Variants in VPS29 observed in about 807,000 individuals in gnomAD.
VPS29 encodes vacuolar protein sorting-associated protein 29.
In VPS29, 2 loss-of-function variants were observed where a neutral mutation model predicts 20.0. The observed-to-expected ratio is 0.10, with a 90% CI of 0.04 to 0.31. VPS29 has a LOEUF of 0.31. Ranked by LOEUF, VPS29 falls within the 10% of genes least tolerant of loss-of-function variation. VPS29 has a pLI of 1.00. For synonymous variants in VPS29, 81 were observed against 79.3 expected, an observed-to-expected ratio of 1.02 and a Z score of -0.12; for missense variants, 120 against 215.3, an observed-to-expected ratio of 0.56 and a Z score of 2.77.
rs377520340 is a variant in VPS29, at chr12:110,493,358, A to C, written c.196-127T>G. ...GTAGTACCCCACAACACACACATTTATACATTTTTTTTTTTTTTTGAGACA... is the reference window on the plus strand; with the variant it reads ...GTAGTACCCCACAACACACACATTTCTACATTTTTTTTTTTTTTTGAGACA... On this transcript the variant is annotated intron_variant, in intron 2 of 3. Transcript: ENST00000549578. The C allele has an allele frequency of 3.4e-5, 21 of 618,070 alleles. No homozygotes were observed. In the African/African-American group the frequency reaches 3.9e-4, roughly 11 times the overall value. The allele number at this position is 618,070 out of a possible 1,614,324, so 38.3% of individuals were successfully genotyped here. A position where few individuals can be genotyped will look rare whatever the true frequency, so the allele number is the denominator to read the frequency against.
At chr12:110,495,017 GC>G (rs1288209631) in intron 2 of VPS29, among the ~76,000 whole-genome samples, 1 of 152,192 alleles carries the variant, frequency 6.6e-6, no homozygotes, top group Non-Finnish European at 1.5e-5. Flanking sequence ...ACCGTACCCG[GC>G]CCAGAACTCT....
At chr12:110,494,050 T>A (rs2062859940) in intron 2 of VPS29, among the ~76,000 whole-genome samples, 1 of 152,118 alleles carries the variant, frequency 6.6e-6, no homozygotes, top group Non-Finnish European at 1.5e-5. Flanking sequence ...TTATGGATGA[T>A]GAAACAGGCA....
At chr12:110,492,599 T>TTTTATTTTA (rs1555204594) in intron 3 of VPS29, among the ~76,000 whole-genome samples, 7 of 132,344 alleles carry the variant, frequency 5.3e-5, no homozygotes, top group African/African-American at 1.2e-4. Context: ...TTTATTTTTA[T>TTTTATTTTA]TTTATTTATT....
intron 1 of VPS29, chr12:110,499,353 C>A: frequency 1.3e-6 from 1 of 794,994 alleles, no homozygotes; most frequent in Non-Finnish European, 1.9e-6. Flanking sequence ...ATGATAGAGT[C>A]CTTTAAGAAA....
intron 1 of VPS29, chr12:110,501,847 G>A (rs1328495124): frequency 2.2e-6 from 3 of 1,336,230 alleles, no homozygotes; most frequent in South Asian, 1.3e-5. Flanking sequence ...CGGGATACGA[G>A]ACCTAGGCCA....
At chr12:110,501,762 C>T in intron 1 of VPS29, 1 of 1,081,902 alleles carries the variant, frequency 9.2e-7, no homozygotes, top group Non-Finnish European at 1.4e-6. Context: ...CTGGCTCGGG[C>T]GTGCGTGTCT....
rs1357728893 is a variant in VPS29, at chr12:110,491,942, T to A, written c.*63A>T. The stretch of plus-strand genomic sequence containing the variant: ...ATACAATTTTGTGGCTCTTAAATGT[T>A]TAATTACTTGATTTCAACAGGACAA... On this transcript the variant is annotated 3_prime_UTR_variant, in exon 4 of 4. Transcript: ENST00000549578. 5 of 1,207,576 alleles carry A rather than the reference T, an allele frequency of 4.1e-6. No homozygotes were observed. Among genetic ancestry groups the A allele is most frequent in the Non-Finnish European group, 6.1e-6 (5 of 825,324 alleles). 74.8% of individuals were successfully genotyped at this position (1,207,576 alleles called of 1,614,324 possible). A position where few individuals can be genotyped will look rare whatever the true frequency, so the allele number is the denominator to read the frequency against.
intron 1 of VPS29, among the ~76,000 whole-genome samples, chr12:110,501,223 G>A (rs1015050275): frequency 6.6e-6 from 1 of 152,070 alleles, no homozygotes; most frequent in Admixed American, 6.6e-5. Context: ...GTCCTCTCTA[G>A]TAGAGGCCCC....
At chr12:110,501,944 C>A (rs2063072095) in intron 1 of VPS29, 105 bp downstream of exon 1, 1 of 1,607,554 alleles carries the variant, frequency 6.2e-7, no homozygotes. Context: ...GACGCCGAGG[C>A]CTCCGGGATT....
chr12:110,501,451 G>A, intron 1 of VPS29: 2 of 1,535,502 alleles, frequency 1.3e-6, no homozygotes, highest in Non-Finnish European at 1.7e-6. Flanking sequence ...GAAAGAAACA[G>A]TTCCAGCAAT....
chr12:110,497,911 C>G (rs914528163), intron 1 of VPS29, among the ~76,000 whole-genome samples: 3 of 151,576 alleles, frequency 2.0e-5, no homozygotes, highest in African/African-American at 7.3e-5. Flanking sequence ...GAGTGAGACT[C>G]TGTCTCAAAA....
At chr12:110,494,081 A>T (rs1172383492) in intron 2 of VPS29, among the ~76,000 whole-genome samples, 1 of 151,918 alleles carries the variant, frequency 6.6e-6, no homozygotes, top group Admixed American at 6.6e-5. Context: ...TTGTCCTTTC[A>T]TCTCCCCGTC....
intron 1 of VPS29, among the ~76,000 whole-genome samples, chr12:110,497,600 T>C (rs895839121): frequency 1.3e-5 from 2 of 151,956 alleles, no homozygotes; most frequent in Non-Finnish European, 2.9e-5. Context: ...TTAAAAATAG[T>C]ATCTGTCTGG....
chr12:110,501,435 C>T (rs769937244), intron 1 of VPS29: 1 of 1,535,438 alleles, frequency 6.5e-7, no homozygotes, highest in South Asian at 1.2e-5. Context: ...GGCGTAGCAA[C>T]CCGTGGAAAG....
intron 3 of VPS29, 130 bp from the exon 4 acceptor site, chr12:110,492,252 G>T (rs908439609): frequency 2.8e-6 from 2 of 724,416 alleles, no homozygotes; most frequent in Non-Finnish European, 2.3e-6. Context: ...CCAAAAGATT[G>T]CCAAAATGGC....
intron 2 of VPS29, among the ~76,000 whole-genome samples, chr12:110,495,662 G>A (rs923307216): frequency 1.1e-4 from 16 of 151,988 alleles, no homozygotes; most frequent in South Asian, 2.1e-4. Context: ...AGCCAAGATC[G>A]TGCCACTGCA....
chr12:110,500,525 AAAG>A (rs2062992148), intron 1 of VPS29, among the ~76,000 whole-genome samples: 1 of 152,340 alleles, frequency 6.6e-6, no homozygotes, highest in Non-Finnish European at 1.5e-5. Context: ...TAAAGATTTT[AAAG>A]AAGCATGCAC....
Position 110,496,046 on chromosome 12 carries a change from C to T in VPS29, c.161G>A (p.Gly54Asp). Residue 54 changes from glycine (G) to aspartate (D), a missense_variant, in exon 2 of 4, where the codon GGT (glycine) becomes GAT (aspartate). Transcript: ENST00000549578. ...ESYDYLKTLA[G>D]DVHIVRGDFD... The stretch of plus-strand genomic sequence containing the variant: ...GTCTCCTCTCACAATATGAACATCA[C>T]CAGCCAGAGTCTTGAGATAGTCATA... 6 of 1,604,396 alleles carry T rather than the reference C, an allele frequency of 3.7e-6. No individual in the cohort carries two copies. The highest frequency in any genetic ancestry group is 5.1e-6 in the Non-Finnish European group (6 of 1,172,278).
At chr12:110,496,783 A>G (rs963395499) in intron 1 of VPS29, 1 of 152,260 alleles carries the variant, frequency 6.6e-6, no homozygotes, top group Admixed American at 6.5e-5. Context: ...ACTGACAACT[A>G]TGTGCAAGCA....
Sources: allele counts gnomAD v4.1 joint callset (sites outside exome capture counted in the v4.1 genomes callset), GRCh38; gene constraint gnomAD v4.1.1; transcripts MANE v1.5; gene names NCBI Gene and HGNC (gene_info 2026-07-23, HGNC 2026-07-21).